GAB1: variants seen among roughly 807,000 people sequenced by gnomAD.
GAB1 encodes GRB2-associated-binding protein 1.
GAB1 carries 19 observed loss-of-function variants against 66.5 expected under a neutral mutation model. The ratio of observed to expected loss-of-function variants is 0.29; its 90% CI spans 0.20 to 0.42. The LOEUF is 0.42. GAB1 is among the 10% of genes least tolerant of loss of function. The pLI is 1.00. For synonymous variants in GAB1, 294 were observed against 301.4 expected (o/e 0.98, Z 0.25); for missense variants, 732 against 858.5 (o/e 0.85, Z 1.84).
chr4:143,471,723 T>C lies in GAB1; in HGVS notation c.*2534T>C, dbSNP rs1166858745. 1 of 152,226 alleles carries C rather than the reference T, an allele frequency of 6.6e-6. No individual in the cohort carries two copies. Among genetic ancestry groups the C allele is most frequent in the African/African-American group, 2.4e-5 (1 of 41,464 alleles). 9.4% of individuals were successfully genotyped at this position (152,226 alleles called of 1,614,324 possible). ...GTTTTAAACATACATCTCAGGAAAT[T>C]CTTTAATTAGAGATAGCTAAAGTTA... On this transcript the variant is annotated 3_prime_UTR_variant, in exon 10 of 10. Transcript: ENST00000262994.
At chr4:143,452,775 T>C (rs186109976) in intron 6 of GAB1, among the ~76,000 whole-genome samples, 278 of 152,346 alleles carry the variant, frequency 1.8e-3, no homozygotes, top group Non-Finnish European at 3.0e-3. Context: ...CACTAAATTA[T>C]GCTGCACTCT....
In GAB1 at chr4:143,378,813, A is replaced by G. The variant is rs530800281; in HGVS notation, c.73-36664A>G. On this transcript the variant is annotated intron_variant, in intron 1 of 9. Coordinates refer to ENST00000262994, the MANE Select transcript of GAB1 (RefSeq NM_002039.4). The stretch of plus-strand genomic sequence containing the variant: ...TCTGACCTTGTGCCTCTGGCCTGGG[A>G]CAAGCTTCACACTGCCAGACTCTGC... Among the ~76,000 whole-genome samples, 45 of 152,214 alleles carry G rather than the reference A, an allele frequency of 3.0e-4. 1 individual carries two copies. In the South Asian group the frequency reaches 8.9e-3, roughly 30 times the overall value.
At chr4:143,348,350 AG>A (rs1729054534) in intron 1 of GAB1, among the ~76,000 whole-genome samples, 1 of 152,258 alleles carries the variant, frequency 6.6e-6, no homozygotes, top group African/African-American at 2.4e-5. Context: ...ACTCAGAGTC[AG>A]AATGCCCACA....
At chr4:143,341,172 C>G (rs1474695005) in intron 1 of GAB1, among the ~76,000 whole-genome samples, 1 of 152,080 alleles carries the variant, frequency 6.6e-6, no homozygotes, top group Non-Finnish European at 1.5e-5. Flanking sequence ...TTGCTGTTTT[C>G]ATGCTGTGTT....
At chr4:143,363,386 G>A (rs568228821) in intron 1 of GAB1, among the ~76,000 whole-genome samples, 23 of 152,288 alleles carry the variant, frequency 1.5e-4, no homozygotes, top group Admixed American at 2.6e-4. Context: ...GTCCTGGGAA[G>A]AACTTGCAGA....
intron 9 of GAB1, 108 bp downstream of exon 9, chr4:143,466,333 T>C (rs1735784953): frequency 9.0e-7 from 1 of 1,106,634 alleles, no homozygotes; most frequent in Non-Finnish European, 1.3e-6. Flanking sequence ...TTAATATAAA[T>C]TTAGTCTGGT....
At chr4:143,406,157 G>A (rs1214042152) in intron 1 of GAB1, among the ~76,000 whole-genome samples, 1 of 152,112 alleles carries the variant, frequency 6.6e-6, no homozygotes, top group Non-Finnish European at 1.5e-5. Flanking sequence ...TGGGATAGTT[G>A]ATCATCCTAC....
intron 1 of GAB1, among the ~76,000 whole-genome samples, chr4:143,408,879 A>G (rs1732209146): frequency 6.6e-6 from 1 of 152,080 alleles, no homozygotes; most frequent in Admixed American, 6.5e-5. Flanking sequence ...TTTTCCCCAC[A>G]CTTTCTCAGG....
chr4:143,384,236 C>T (rs937177607), intron 1 of GAB1, among the ~76,000 whole-genome samples: 5 of 152,202 alleles, frequency 3.3e-5, no homozygotes, highest in African/African-American at 1.2e-4. Context: ...ATTTCTATAA[C>T]AAAACATTTC....
chr4:143,465,972 T>C, intron 8 of GAB1, 131 bp from the exon 9 acceptor site: 1 of 920,704 alleles, frequency 1.1e-6, no homozygotes, highest in Non-Finnish European at 1.6e-6. Flanking sequence ...CTTTCTATCC[T>C]AAAAGGTTGT....
At chr4:143,345,777 T>G (rs1024935018) in intron 1 of GAB1, among the ~76,000 whole-genome samples, 4 of 152,252 alleles carry the variant, frequency 2.6e-5, no homozygotes, top group African/African-American at 9.6e-5. Context: ...ATTTAGCTAT[T>G]TAAACATGAA....
intron 1 of GAB1, among the ~76,000 whole-genome samples, chr4:143,369,166 C>G (rs1730011019): frequency 6.6e-6 from 1 of 152,146 alleles, no homozygotes; most frequent in South Asian, 2.1e-4. Flanking sequence ...GTCTCAAACT[C>G]CTGGCCTCAG....
rs1028576959 is a variant in GAB1, at chr4:143,439,563, A to G, written c.1196-239A>G. On this transcript the variant is annotated intron_variant, in intron 4 of 9. Coordinates refer to ENST00000262994, the MANE Select transcript of GAB1 (RefSeq NM_002039.4). ...AACCTATCTTATCCCAGACTTAGAC[A>G]TTCACTCACACTCAAAATTAGATAT... 9.1e-6 allele frequency: 4 copies of G among 441,354 alleles called. No homozygotes were observed. The South Asian group carries it at 1.1e-4, about 12-fold the overall frequency. 27.3% of individuals were successfully genotyped at this position (441,354 alleles called of 1,614,324 possible). A position where few individuals can be genotyped will look rare whatever the true frequency, so the allele number is the denominator to read the frequency against.
chr4:143,366,403 A>T (rs561174694), intron 1 of GAB1, among the ~76,000 whole-genome samples: 8 of 152,330 alleles, frequency 5.3e-5, no homozygotes, highest in Non-Finnish European at 1.0e-4. Flanking sequence ...GCTTTTTATT[A>T]TAAAAAGAGT....
At chr4:143,428,184 T>C (rs1733464309) in intron 2 of GAB1, among the ~76,000 whole-genome samples, 1 of 152,264 alleles carries the variant, frequency 6.6e-6, no homozygotes, top group African/African-American at 2.4e-5. Flanking sequence ...TCACCTGAGC[T>C]GTGCCTTTTA....
rs1581246468 is a variant in GAB1, at chr4:143,379,773, A to G, written c.73-35704A>G. Among the ~76,000 whole-genome samples the G allele has an allele frequency of 2.6e-5, 4 of 151,966 alleles. No individual in the cohort carries two copies. The South Asian group carries it at 8.3e-4, about 32-fold the overall frequency. ...GGCTAATTTTTTGTATGTTTTGTAG[A>G]GACAGGATTTTGCCATGTTGCCCAG... On this transcript the variant is annotated intron_variant, in intron 1 of 9. Transcript: ENST00000262994.
At chr4:143,450,370 A>G (rs1169012510) in intron 6 of GAB1, among the ~76,000 whole-genome samples, 1 of 152,186 alleles carries the variant, frequency 6.6e-6, no homozygotes, top group Non-Finnish European at 1.5e-5. Context: ...AGAGTAAAAA[A>G]TTTAGGCTTA....
intron 6 of GAB1, among the ~76,000 whole-genome samples, chr4:143,448,401 G>T (rs1734690741): frequency 6.6e-6 from 1 of 151,848 alleles, no homozygotes; most frequent in Admixed American, 6.6e-5. Context: ...GTAGAATTCA[G>T]CTGTGAATCC....
chr4:143,368,689 C>T (rs560435550), intron 1 of GAB1, among the ~76,000 whole-genome samples: 2 of 152,022 alleles, frequency 1.3e-5, no homozygotes, highest in Non-Finnish European at 2.9e-5. Context: ...TTTGTCTAAA[C>T]TCATTCAATG....
Sources: gnomAD v4.1 joint callset for allele counts (sites outside exome capture counted in the v4.1 genomes callset) on GRCh38, gnomAD v4.1.1 for gene constraint, MANE v1.5 for transcripts, NCBI Gene and HGNC (gene_info 2026-07-23, HGNC 2026-07-21) for gene names.